Variants in MDN1 observed in about 807,000 individuals in gnomAD.
MDN1 encodes midasin AAA ATPase 1.
MDN1 carries 266 observed loss-of-function variants against 669.2 expected under a neutral mutation model. The observed-to-expected ratio is 0.40, with a 90% CI of 0.36 to 0.44. The LOEUF is 0.44. Ranked by LOEUF, MDN1 falls within the 20% of genes least tolerant of loss-of-function variation. The pLI is 1.00. For missense variants in MDN1, 5,940 were observed against 6,754.0 expected (o/e 0.88, Z 4.22); for synonymous variants, 2,385 against 2,457.1 (o/e 0.97, Z 0.87).
chr6:89,694,493 C>T (rs930633159), intron 61 of MDN1, among the ~76,000 whole-genome samples: 3 of 152,180 alleles, frequency 2.0e-5, no homozygotes, highest in Non-Finnish European at 2.9e-5. Flanking sequence ...GTATTTAGTT[C>T]CTGAACTTGG....
intron 53 of MDN1, among the ~76,000 whole-genome samples, chr6:89,705,436 A>T (rs189051610): frequency 1.3e-5 from 2 of 152,300 alleles, no homozygotes; most frequent in Non-Finnish European, 2.9e-5. Context: ...ATTCCATTTA[A>T]TCCACATGTG....
intron 83 of MDN1, among the ~76,000 whole-genome samples, chr6:89,668,456 T>G (rs1385349356): frequency 1.3e-5 from 2 of 152,164 alleles, no homozygotes; most frequent in African/African-American, 4.8e-5. Context: ...AGAAGGACAG[T>G]ATTTTGGAAA....
Position 89,690,717 on chromosome 6 carries a change from C to A in MDN1, c.10705G>T (p.Glu3569Ter). ...NSRTALSEEE[E>*]EEREFRKQFP... ...TGTTTTCTGAACTCCCGTTCTTCCT[C>A]CTCCTCTTCACTCAGGGCTGTCCTA... Residue 3569 changes from glutamate to a stop codon, truncating the protein, a stop_gained, in exon 64 of 102, where the codon GAG becomes TAG. Transcript: ENST00000369393. LOFTEE classifies it high-confidence loss of function. The A allele has an allele frequency of 6.2e-7, 1 of 1,614,146 alleles. No homozygotes were observed. The highest frequency in any genetic ancestry group is 1.1e-5 in the South Asian group (1 of 91,074).
At chr6:89,737,371 A>G (rs1330761378) in intron 33 of MDN1, among the ~76,000 whole-genome samples, 3 of 152,244 alleles carry the variant, frequency 2.0e-5, no homozygotes, top group South Asian at 2.1e-4. Context: ...ATGAATTCCA[A>G]TTTCCAAGAA....
chr6:89,774,596 C>T (rs1818258711), intron 13 of MDN1, 25 bp downstream of exon 13: 1 of 1,554,394 alleles, frequency 6.4e-7, no homozygotes, highest in Non-Finnish European at 8.9e-7. Context: ...CCACAGTTGG[C>T]AGCTTAGTTT....
intron 1 of MDN1, among the ~76,000 whole-genome samples, chr6:89,815,619 G>A (rs1383535720): frequency 6.6e-6 from 1 of 152,180 alleles, no homozygotes; most frequent in African/African-American, 2.4e-5. Flanking sequence ...GGGAGATCTT[G>A]CAGAGGTGGG....
rs776656730 is a variant in MDN1 at position 89,702,091 on chromosome 6, C to A, written c.8149-30G>T. 42 of 1,553,146 alleles carry A rather than the reference C, an allele frequency of 2.7e-5. No homozygotes were observed. In the East Asian group the frequency reaches 9.6e-4, roughly 36 times the overall value. Reference sequence around the variant, plus strand: ...AAACAAAGTCTCTTAGATAAGATGGCATGAAGAAAGACTAAAGCAAGAAGA... The same window carrying A: ...AAACAAAGTCTCTTAGATAAGATGGAATGAAGAAAGACTAAAGCAAGAAGA... On this transcript the variant is annotated intron_variant, in intron 53 of 101. Coordinates refer to ENST00000369393, the MANE Select transcript of MDN1 (RefSeq NM_014611.3).
intron 86 of MDN1, 62 bp from the exon 87 acceptor site, chr6:89,662,301 G>A: frequency 6.5e-7 from 1 of 1,531,472 alleles, no homozygotes; most frequent in South Asian, 1.2e-5. Flanking sequence ...CTTCTGCATG[G>A]GTTGACTTTT....
intron 1 of MDN1, among the ~76,000 whole-genome samples, chr6:89,809,385 C>T (rs1768229807): frequency 6.6e-6 from 1 of 151,944 alleles, no homozygotes; most frequent in African/African-American, 2.4e-5. Context: ...AATCTCAGCA[C>T]TTTGGGAGGC....
At position 89,706,112 on chromosome 6, in the gene MDN1, G is replaced by A. The variant is rs767387175; in HGVS notation, c.8095C>T (p.Leu2699=). The A allele has an allele frequency of 6.2e-7, 1 of 1,613,266 alleles. No individual in the cohort carries two copies. The highest frequency in any genetic ancestry group is 8.5e-7 in the Non-Finnish European group (1 of 1,179,444). The change falls in exon 53 of 102, where the codon CTG becomes TTG. Residue 2699 remains leucine, a synonymous_variant. Transcript: ENST00000369393. ...AFFELCDALV[L]LWVQSSQGMV... is the part of the protein sequence containing the mutation. ...CCCTGGGAGGACTGTACCCAGAGCA[G>A]GACTAGTGCATCACAAAGTTCAAAA...
At chr6:89,648,389 CA>C in intron 97 of MDN1, 60 bp from the exon 98 acceptor site, 1 of 1,512,310 alleles carries the variant, frequency 6.6e-7, no homozygotes, top group South Asian at 1.1e-5. Context: ...CAGAGCCTCT[CA>C]ACTATTTTTT....
At chr6:89,667,407 T>A (rs184925297) in intron 84 of MDN1, among the ~76,000 whole-genome samples, 1 of 152,320 alleles carries the variant, frequency 6.6e-6, no homozygotes, top group Admixed American at 6.5e-5. Context: ...TTATTTTTAA[T>A]AACTATAAAA....
Position 89,758,395 on chromosome 6 carries a change from C to CT in MDN1, c.2606-45dup, listed in dbSNP as rs780110788. On this transcript the variant is annotated intron_variant, in intron 18 of 101. Coordinates refer to ENST00000369393, the MANE Select transcript of MDN1 (RefSeq NM_014611.3). ...AAATTCTCAACAAAGGTATGATTAT[C>CT]TAATTCCACAGAACCCCAGGCCCAG... 3 of 1,500,722 alleles carry CT rather than the reference C, an allele frequency of 2.0e-6. No individual in the cohort carries two copies. In the African/African-American group the frequency reaches 4.1e-5, roughly 21 times the overall value. The allele number at this position is 1,500,722 out of a possible 1,614,324, so 93.0% of individuals were successfully genotyped here.
At chr6:89,779,882 A>G (rs1200512262) in intron 11 of MDN1, among the ~76,000 whole-genome samples, 1 of 152,066 alleles carries the variant, frequency 6.6e-6, no homozygotes, top group Non-Finnish European at 1.5e-5. Flanking sequence ...CCTGGCCAAC[A>G]TGGTGAAACC....
chr6:89,659,719 A>G (rs557238404), intron 88 of MDN1, among the ~76,000 whole-genome samples: 26 of 152,362 alleles, frequency 1.7e-4, no homozygotes, highest in East Asian at 5.8e-4. Flanking sequence ...TTAATGCTCA[A>G]TTATCATTGT....
Position 89,738,468 on chromosome 6 carries a change from C to A in MDN1, c.4594-13G>T. The stretch of plus-strand genomic sequence containing the variant: ...AGGCAGGAGACAGCTATAAGAAACA[C>A]AAAACTTCAATGTGAATTTTTAAAA... On this transcript the variant is annotated splice_polypyrimidine_tract_variant and intron_variant, in intron 32 of 101. Coordinates refer to ENST00000369393, the MANE Select transcript of MDN1 (RefSeq NM_014611.3). The A allele has an allele frequency of 6.2e-7, 1 of 1,611,870 alleles. No homozygotes were observed. Among genetic ancestry groups the A allele is most frequent in the Non-Finnish European group, 8.5e-7 (1 of 1,179,232 alleles).
intron 9 of MDN1, among the ~76,000 whole-genome samples, chr6:89,783,287 G>T (rs1377965060): frequency 6.6e-6 from 1 of 152,058 alleles, no homozygotes; most frequent in Non-Finnish European, 1.5e-5. Flanking sequence ...CGGGGGGGAG[G>T]TCTATAAATG....
intron 21 of MDN1, 61 bp from the exon 22 acceptor site, chr6:89,753,683 A>C: frequency 7.5e-7 from 1 of 1,333,916 alleles, no homozygotes; most frequent in Non-Finnish European, 1.1e-6. Flanking sequence ...AACCAAACTT[A>C]TTTCCAGAAC....
In MDN1 at chr6:89,684,889, T is replaced by C; in HGVS notation, c.11816A>G (p.Glu3939Gly). Residue 3939 changes from glutamate to glycine, a missense_variant, in exon 71 of 102, where the codon GAA (glutamate) becomes GGA (glycine). Glu to Gly is a moderately conservative substitution (Grantham distance 98, BLOSUM62 -2). Transcript: ENST00000369393. ...AKIVELRSPL[E>G]KELKEFVKIS... Reference sequence around the variant, plus strand: ...TGTTCATCTTACTTTAAGTTCTTTTTCTAGGGGGGAACGAAGTTCCACAAT... The same window carrying C: ...TGTTCATCTTACTTTAAGTTCTTTTCCTAGGGGGGAACGAAGTTCCACAAT... 1 of 1,603,552 alleles carries C rather than the reference T, an allele frequency of 6.2e-7. No homozygotes were observed. The highest frequency in any genetic ancestry group is 1.1e-5 in the South Asian group (1 of 90,808).
Sources: allele counts gnomAD v4.1 joint callset (sites outside exome capture counted in the v4.1 genomes callset), GRCh38; gene constraint gnomAD v4.1.1; transcripts MANE v1.5; gene names NCBI Gene and HGNC (gene_info 2026-07-23, HGNC 2026-07-21).